The following ETV6 variants were observed in gnomAD, a reference collection of about 807,000 sequenced individuals.
The protein encoded by ETV6 is transcription factor ETV6.
A neutral mutation model predicts 51.1 loss-of-function variants in ETV6; 16 were observed. The ratio of observed to expected loss-of-function variants is 0.31; its 90% CI spans 0.21 to 0.48. The LOEUF (loss-of-function observed/expected upper bound fraction) is 0.48, where lower values mean the gene tolerates loss of function less well. Among genes scored for constraint, ETV6 ranks in the 20% least tolerant of loss-of-function variants. The probability of loss-of-function intolerance (pLI) is 0.99; values close to 1 mark genes in which losing one functional copy is unlikely to be tolerated. For missense variants in ETV6, 458 were observed against 594.8 expected (o/e 0.77, Z 2.39); for synonymous variants, 240 against 224.1 (o/e 1.07, Z -0.64).
intron 5 of ETV6, among the ~76,000 whole-genome samples, chr12:11,880,426 G>C (rs1947072476): frequency 6.6e-6 from 1 of 152,206 alleles, no homozygotes; most frequent in African/African-American, 2.4e-5. Flanking sequence ...TTTGCCATCT[G>C]ATAAGTAGAT....
At chr12:11,725,162 T>G (rs1865465416) in intron 1 of ETV6, among the ~76,000 whole-genome samples, 1 of 45,642 alleles carries the variant, frequency 2.2e-5, no homozygotes, top group Non-Finnish European at 4.3e-5. Flanking sequence ...TTTTTAGCTG[T>G]TTTTTTTTTT....
intron 1 of ETV6, among the ~76,000 whole-genome samples, chr12:11,654,020 G>T (rs1404190377): frequency 6.6e-6 from 1 of 152,042 alleles, no homozygotes; most frequent in East Asian, 1.9e-4. Context: ...CACCATGTTG[G>T]CAAGGCTGGT....
intron 3 of ETV6, among the ~76,000 whole-genome samples, chr12:11,842,016 A>G (rs1403592655): frequency 6.8e-6 from 1 of 147,434 alleles, no homozygotes; most frequent in African/African-American, 2.5e-5. Flanking sequence ...CGGGAGGCGG[A>G]GCTTGCAGTG....
chr12:11,785,758 T>C (rs1302032422), intron 2 of ETV6, among the ~76,000 whole-genome samples: 1 of 152,100 alleles, frequency 6.6e-6, no homozygotes, highest in Non-Finnish European at 1.5e-5. Flanking sequence ...AGCCATGGAG[T>C]TGATTTCTTG....
intron 2 of ETV6, among the ~76,000 whole-genome samples, chr12:11,836,694 C>A (rs545708637): frequency 1.3e-5 from 2 of 152,158 alleles, no homozygotes; most frequent in Non-Finnish European, 2.9e-5. Flanking sequence ...TCCCCCACCC[C>A]CTTCTCACCC....
chr12:11,714,649 G>GAAA lies in ETV6; in HGVS notation c.34-37780_34-37778dup, dbSNP rs10709538. Among the ~76,000 whole-genome samples the GAAA allele has an allele frequency of 2.3e-4, 20 of 87,060 alleles. 1 individual carries two copies. Among genetic ancestry groups the GAAA allele is most frequent in the African/African-American group, 9.2e-4 (19 of 20,546 alleles). 57.1% of individuals were successfully genotyped at this position (87,060 alleles called of 152,430 possible). On this transcript the variant is annotated intron_variant, in intron 1 of 7. Transcript: ENST00000396373. ...TAGGTAAGTAATCATACCTTGAGGT[G>GAAA]AAAAAAAAAAAAAAAAAAAAAAAGA...
chr12:11,715,629 T>C (rs1865259866), intron 1 of ETV6, among the ~76,000 whole-genome samples: 1 of 152,248 alleles, frequency 6.6e-6, no homozygotes, highest in South Asian at 2.1e-4. Flanking sequence ...CAGTACTCCC[T>C]GATGCTGCTG....
rs1946586226 is a variant in ETV6, at chr12:11,853,439, A to G, written c.341A>G (p.Tyr114Cys). The change falls in exon 4 of 8, where the codon TAT (tyrosine) becomes TGT (cysteine). Residue 114 changes from tyrosine (Y) to cysteine (C), a missense_variant. Coordinates refer to ENST00000396373, the MANE Select transcript of ETV6 (RefSeq NM_001987.5). ...YRSPHSGDVLYELLQHILKQR... is the reference protein window; with the variant it reads ...YRSPHSGDVLCELLQHILKQR... ...TTTTTCTTTCCAGGTGATGTGCTCT[A>G]TGAACTCCTTCAGCATATTCTGAAG... is the stretch of plus-strand genomic sequence containing the variant. 1.2e-6 allele frequency: 2 copies of G among 1,614,054 alleles called. No individual in the cohort carries two copies. The highest frequency in any genetic ancestry group is 1.3e-5 in the African/African-American group (1 of 74,910).
At chr12:11,774,740 C>G (rs758091439) in intron 2 of ETV6, among the ~76,000 whole-genome samples, 2 of 152,220 alleles carry the variant, frequency 1.3e-5, no homozygotes, top group Non-Finnish European at 2.9e-5. Flanking sequence ...AAAATACATG[C>G]CTGCACGCCA....
In ETV6 at chr12:11,892,620, A is replaced by T; in HGVS notation, c.*1574A>T. On this transcript the variant is annotated 3_prime_UTR_variant, in exon 8 of 8. Transcript: ENST00000396373. ...CCAGATTACACCTGCCTTACAAAGCACCCCCTCCTTGTTCCCCTCTGTTTC... is the reference window on the plus strand; with the variant it reads ...CCAGATTACACCTGCCTTACAAAGCTCCCCCTCCTTGTTCCCCTCTGTTTC... The T allele has an allele frequency of 4.3e-6, 1 of 232,352 alleles. No homozygotes were observed. 14.4% of individuals were successfully genotyped at this position (232,352 alleles called of 1,614,324 possible).
Position 11,760,732 on chromosome 12 carries a change from C to A in ETV6, c.163+8153C>A, listed in dbSNP as rs1053612881. On this transcript the variant is annotated intron_variant, in intron 2 of 7. Transcript: ENST00000396373. ...GCTTTAGTTTTTTGGTCATTGTACC[C>A]TACCTGCCAGCTCACAGGAGCCTGT... Among the ~76,000 whole-genome samples, 8 of 152,070 alleles carry A rather than the reference C, an allele frequency of 5.3e-5. No homozygotes were observed. The East Asian group carries it at 1.5e-3, about 29-fold the overall frequency.
At chr12:11,746,619 A>G (rs1280672303) in intron 1 of ETV6, among the ~76,000 whole-genome samples, 1 of 152,146 alleles carries the variant, frequency 6.6e-6, no homozygotes, top group African/African-American at 2.4e-5. Flanking sequence ...ACCATCCTGG[A>G]AATTCTAGGA....
intron 2 of ETV6, among the ~76,000 whole-genome samples, chr12:11,833,141 A>C (rs1031754344): frequency 6.6e-6 from 1 of 152,258 alleles, no homozygotes; most frequent in South Asian, 2.1e-4. Context: ...GGGTGAGATT[A>C]TAAAGGTGAT....
At chr12:11,827,804 T>C (rs952550375) in intron 2 of ETV6, among the ~76,000 whole-genome samples, 2 of 151,774 alleles carry the variant, frequency 1.3e-5, no homozygotes, top group Admixed American at 1.3e-4. Flanking sequence ...CTGCAGACTG[T>C]GCCGGGCACC....
rs575052696 is a variant in ETV6, at chr12:11,841,916, C to A, written c.328+2612C>A. Among the ~76,000 whole-genome samples, 25 of 151,740 alleles carry A rather than the reference C, an allele frequency of 1.6e-4. No individual in the cohort carries two copies. The South Asian group carries it at 1.7e-3, about 10-fold the overall frequency. On this transcript the variant is annotated intron_variant, in intron 3 of 7. Coordinates refer to ENST00000396373, the MANE Select transcript of ETV6 (RefSeq NM_001987.5). ...GCTAAAACGGTGAAACCCCGTCTCTCCTAAAAATACAAAAAATTAGCCGGG... is the reference window on the plus strand; with the variant it reads ...GCTAAAACGGTGAAACCCCGTCTCTACTAAAAATACAAAAAATTAGCCGGG...
At chr12:11,654,983 C>T (rs984066472) in intron 1 of ETV6, among the ~76,000 whole-genome samples, 9 of 152,146 alleles carry the variant, frequency 5.9e-5, no homozygotes, top group Non-Finnish European at 8.8e-5. Flanking sequence ...AAAAAATACC[C>T]CAGATGTGAG....
intron 3 of ETV6, among the ~76,000 whole-genome samples, chr12:11,842,658 T>C (rs1461289168): frequency 4.6e-5 from 7 of 152,180 alleles, no homozygotes; most frequent in African/African-American, 1.4e-4. Context: ...TTACAGGTAA[T>C]TGGAACCACT....
intron 1 of ETV6, among the ~76,000 whole-genome samples, chr12:11,680,788 C>G (rs1282509710): frequency 6.6e-6 from 1 of 152,186 alleles, no homozygotes; most frequent in African/African-American, 2.4e-5. Flanking sequence ...GCAGCCCTCT[C>G]CCTAGCCTGT....
In ETV6 at chr12:11,893,688, A is replaced by T. The variant is rs1947333156; in HGVS notation, c.*2642A>T. On this transcript the variant is annotated 3_prime_UTR_variant, in exon 8 of 8. Coordinates refer to ENST00000396373, the MANE Select transcript of ETV6 (RefSeq NM_001987.5). ...CACAAACTGTTTTATATAGAAAATG[A>T]TTTCAAATATCATAAAATTACCTTC... 4.5e-6 allele frequency: 1 copy of T among 223,780 alleles called. No homozygotes were observed. The highest frequency in any genetic ancestry group is 8.9e-6 in the Non-Finnish European group (1 of 112,526). 13.9% of individuals were successfully genotyped at this position (223,780 alleles called of 1,614,324 possible).
Sources: allele counts gnomAD v4.1 joint callset (sites outside exome capture counted in the v4.1 genomes callset), GRCh38; gene constraint gnomAD v4.1.1; transcripts MANE v1.5; gene names NCBI Gene and HGNC (gene_info 2026-07-23, HGNC 2026-07-21).